GABRB2: variants seen among roughly 807,000 people sequenced by gnomAD.
The protein encoded by GABRB2 is gamma-aminobutyric acid receptor subunit beta-2.
A neutral mutation model predicts 54.7 loss-of-function variants in GABRB2; 16 were observed. The observed-to-expected ratio is 0.29, with a 90% CI of 0.20 to 0.44. The LOEUF (loss-of-function observed/expected upper bound fraction) is 0.44. Ranked by LOEUF, GABRB2 falls within the 20% of genes least tolerant of loss-of-function variation. GABRB2 has a pLI of 1.00. For synonymous variants in GABRB2, 244 were observed against 233.8 expected, an observed-to-expected ratio of 1.04 and a Z score of -0.40; for missense variants, 355 against 644.0, an observed-to-expected ratio of 0.55 and a Z score of 4.86.
chr5:161,314,459 G>C (rs1164248040), intron 9 of GABRB2, among the ~76,000 whole-genome samples: 1 of 152,080 alleles, frequency 6.6e-6, no homozygotes, highest in Non-Finnish European at 1.5e-5. Flanking sequence ...GGTGCCCTTT[G>C]CCAAAACTAA....
At chr5:161,543,072 G>C (rs376917547) in intron 3 of GABRB2, among the ~76,000 whole-genome samples, 2 of 152,246 alleles carry the variant, frequency 1.3e-5, no homozygotes, top group African/African-American at 4.8e-5. Context: ...CATGGGTGTA[G>C]CATAAGGCTA....
intron 4 of GABRB2, among the ~76,000 whole-genome samples, chr5:161,457,319 G>A: frequency 6.6e-6 from 1 of 152,168 alleles, no homozygotes; most frequent in East Asian, 1.9e-4. Flanking sequence ...TAAAGGTACA[G>A]CAATAGTGTC....
At chr5:161,468,900 G>A (rs1044221567) in intron 3 of GABRB2, among the ~76,000 whole-genome samples, 2 of 151,642 alleles carry the variant, frequency 1.3e-5, no homozygotes, top group Admixed American at 6.6e-5. Context: ...ATGAAACATA[G>A]TACAAATATA....
intron 3 of GABRB2, among the ~76,000 whole-genome samples, chr5:161,514,881 C>A (rs991712505): frequency 2.6e-5 from 4 of 152,126 alleles, no homozygotes; most frequent in African/African-American, 9.7e-5. Flanking sequence ...TCTCTACTTT[C>A]GTCACATTAA....
chr5:161,332,247 A>C (rs1034394152), intron 7 of GABRB2, among the ~76,000 whole-genome samples: 1 of 152,094 alleles, frequency 6.6e-6, no homozygotes, highest in African/African-American at 2.4e-5. Flanking sequence ...AAGTCAATTA[A>C]AATAACAGCA....
intron 3 of GABRB2, among the ~76,000 whole-genome samples, chr5:161,536,864 C>T (rs1020918193): frequency 6.6e-6 from 1 of 152,130 alleles, no homozygotes; most frequent in African/African-American, 2.4e-5. Context: ...TCCCAAAGTG[C>T]TGGGATTACA....
intron 3 of GABRB2, among the ~76,000 whole-genome samples, chr5:161,505,242 C>T (rs1336750093): frequency 6.6e-6 from 1 of 151,978 alleles, no homozygotes; most frequent in African/African-American, 2.4e-5. Context: ...GATATTCCTG[C>T]CTCAGCCTCC....
chr5:161,538,230 C>T (rs372326609), intron 3 of GABRB2, among the ~76,000 whole-genome samples: 39 of 152,178 alleles, frequency 2.6e-4, no homozygotes, highest in Middle Eastern at 6.8e-3. Flanking sequence ...GGCATTCGCC[C>T]GGGGTCAAAT....
At chr5:161,510,333 T>G (rs1038375580) in intron 3 of GABRB2, among the ~76,000 whole-genome samples, 1 of 151,404 alleles carries the variant, frequency 6.6e-6, no homozygotes, top group South Asian at 2.1e-4. Context: ...TAGACCGCAC[T>G]AATAAGTGAG....
chr5:161,448,523 G>C (rs527681781), intron 4 of GABRB2, among the ~76,000 whole-genome samples: 1 of 152,264 alleles, frequency 6.6e-6, no homozygotes, highest in South Asian at 2.1e-4. Flanking sequence ...ATATTTCCCT[G>C]CAGACCACTT....
At chr5:161,443,938 G>C (rs1757538466) in intron 4 of GABRB2, among the ~76,000 whole-genome samples, 2 of 152,120 alleles carry the variant, frequency 1.3e-5, no homozygotes, top group African/African-American at 4.8e-5. Flanking sequence ...TAGCTAAGAA[G>C]AGCCAATTTG....
At chr5:161,470,082 A>G (rs1161011330) in intron 3 of GABRB2, among the ~76,000 whole-genome samples, 1 of 150,010 alleles carries the variant, frequency 6.7e-6, no homozygotes, top group Non-Finnish European at 1.5e-5. Flanking sequence ...TTTTTTTTTT[A>G]ATCATGGAGA....
chr5:161,390,232 G>C (rs1308955893), intron 5 of GABRB2, among the ~76,000 whole-genome samples: 2 of 151,986 alleles, frequency 1.3e-5, no homozygotes, highest in Non-Finnish European at 2.9e-5. Context: ...GCTGAATTTT[G>C]TGTACTTTCT....
At chr5:161,326,563 T>C in intron 8 of GABRB2, 82 bp from the exon 9 acceptor site, 2 of 1,463,832 alleles carry the variant, frequency 1.4e-6, no homozygotes, top group Non-Finnish European at 9.1e-7. Context: ...AAATTGGATA[T>C]AGATAAATGC....
intron 5 of GABRB2, among the ~76,000 whole-genome samples, chr5:161,360,750 G>T (rs930181932): frequency 6.6e-6 from 1 of 152,062 alleles, no homozygotes; most frequent in African/African-American, 2.4e-5. Context: ...TAAATGTTAC[G>T]TATTTCCTGA....
intron 5 of GABRB2, among the ~76,000 whole-genome samples, chr5:161,377,355 G>A (rs1464686257): frequency 4.6e-5 from 7 of 152,010 alleles, no homozygotes; most frequent in Non-Finnish European, 8.8e-5. Context: ...TTATCTTCAG[G>A]AATTAGTCAT....
intron 3 of GABRB2, among the ~76,000 whole-genome samples, chr5:161,461,551 A>G (rs965535796): frequency 6.6e-6 from 1 of 152,234 alleles, no homozygotes; most frequent in African/African-American, 2.4e-5. Flanking sequence ...GTAAACTACA[A>G]AAAGCTATAT....
chr5:161,543,527 T>A (rs1474001306), intron 3 of GABRB2, among the ~76,000 whole-genome samples: 1 of 152,108 alleles, frequency 6.6e-6, no homozygotes, highest in Non-Finnish European at 1.5e-5. Flanking sequence ...AAATAAGACT[T>A]GGGACTGAGA....
At chr5:161,544,855 C>G (rs1760925878) in intron 3 of GABRB2, among the ~76,000 whole-genome samples, 1 of 152,092 alleles carries the variant, frequency 6.6e-6, no homozygotes, top group Admixed American at 6.5e-5. Flanking sequence ...CATTAAATGT[C>G]AAATCAAAAC....
Sources: gnomAD v4.1 joint callset for allele counts (sites outside exome capture counted in the v4.1 genomes callset) on GRCh38, gnomAD v4.1.1 for gene constraint, MANE v1.5 for transcripts, NCBI Gene and HGNC (gene_info 2026-07-23, HGNC 2026-07-21) for gene names.